The following SFRP1 variants were observed in gnomAD, a reference collection of about 807,000 sequenced individuals.
SFRP1 encodes the protein secreted frizzled-related protein 1.
In SFRP1, 9 loss-of-function variants were observed where a neutral mutation model predicts 25.9. The ratio of observed to expected loss-of-function variants is 0.35; its 90% CI spans 0.21 to 0.61. The LOEUF (loss-of-function observed/expected upper bound fraction) is 0.61. SFRP1 is among the 20% of genes least tolerant of loss of function. The pLI, the probability that SFRP1 is intolerant of heterozygous loss-of-function variation, is 0.78. For synonymous variants in SFRP1, 178 were observed against 174.0 expected (o/e 1.02, Z -0.18); for missense variants, 346 against 418.2 (o/e 0.83, Z 1.51).
chr8:41,281,817 A>G (rs1271312558), intron 2 of SFRP1, among the ~76,000 whole-genome samples: 1 of 152,224 alleles, frequency 6.6e-6, no homozygotes. Flanking sequence ...CTCAAGATCT[A>G]GGATCCCCTC....
chr8:41,308,685 T>G lies in SFRP1; in HGVS notation c.475A>C (p.Lys159Gln). The change falls in exon 1 of 3, where the codon AAG (lysine) becomes CAG (glutamine). Residue 159 changes from lysine (K) to glutamine (Q), a missense_variant. Lys to Gln is a moderately conservative substitution (Grantham distance 53). Transcript: ENST00000220772. The part of the protein sequence containing the change: ...FYWPEMLKCD[K>Q]FPEGDVCIAM... ...ATGCAGACGTCCCCCTCGGGGAACTTGTCACACTTAAGCATCTCGGGCCAG... is the reference window on the plus strand; with the variant it reads ...ATGCAGACGTCCCCCTCGGGGAACTGGTCACACTTAAGCATCTCGGGCCAG... 1.2e-6 allele frequency: 2 copies of G among 1,611,376 alleles called. No individual in the cohort carries two copies. Among genetic ancestry groups the G allele is most frequent in the African/African-American group, 1.3e-5 (1 of 74,952 alleles).
At chr8:41,297,542 G>T (rs1035970166) in intron 2 of SFRP1, among the ~76,000 whole-genome samples, 1 of 152,006 alleles carries the variant, frequency 6.6e-6, no homozygotes, top group African/African-American at 2.4e-5. Flanking sequence ...CCAATAAGAA[G>T]ACATAATAAT....
rs1338050643 is a variant in SFRP1, at chr8:41,263,425, G to C, written c.*1742C>G. The C allele has an allele frequency of 6.6e-6, 1 of 152,200 alleles. No homozygotes were observed. Among genetic ancestry groups the C allele is most frequent in the Admixed American group, 6.5e-5 (1 of 15,290 alleles). 9.4% of individuals were successfully genotyped at this position (152,200 alleles called of 1,614,324 possible). On this transcript the variant is annotated 3_prime_UTR_variant, in exon 3 of 3. Coordinates refer to ENST00000220772, the MANE Select transcript of SFRP1 (RefSeq NM_003012.5). ...AATTTATCAGGATAACTCTCCGGTAGGTAACTAGGCGGGCATGCTGATTTT... is the reference window on the plus strand; with the variant it reads ...AATTTATCAGGATAACTCTCCGGTACGTAACTAGGCGGGCATGCTGATTTT...
intron 2 of SFRP1, among the ~76,000 whole-genome samples, chr8:41,297,545 A>G (rs1315443636): frequency 6.6e-6 from 1 of 152,164 alleles, no homozygotes; most frequent in African/African-American, 2.4e-5. Context: ...ATAAGAAGAC[A>G]TAATAATTAT....
At chr8:41,274,148 G>A (rs948014041) in intron 2 of SFRP1, among the ~76,000 whole-genome samples, 9 of 152,152 alleles carry the variant, frequency 5.9e-5, no homozygotes, top group Admixed American at 1.3e-4. Context: ...ACAGCCTATC[G>A]TGAGACTTCT....
At chr8:41,296,714 TG>T (rs1309209459) in intron 2 of SFRP1, among the ~76,000 whole-genome samples, 3 of 152,048 alleles carry the variant, frequency 2.0e-5, no homozygotes, top group Non-Finnish European at 4.4e-5. Flanking sequence ...GAGAACAAAG[TG>T]AAGTAAAACA....
At chr8:41,304,729 G>A (rs1241305664) in intron 1 of SFRP1, among the ~76,000 whole-genome samples, 5 of 151,996 alleles carry the variant, frequency 3.3e-5, no homozygotes, top group Non-Finnish European at 1.5e-5. Context: ...GAGAAGAGGG[G>A]ACCTGCAGAG....
At chr8:41,271,670 A>C (rs1018194669) in intron 2 of SFRP1, 1 of 152,146 alleles carries the variant, frequency 6.6e-6, no homozygotes, top group African/African-American at 2.4e-5. Context: ...AAAACTTTAA[A>C]AAATGATAAT....
intron 2 of SFRP1, among the ~76,000 whole-genome samples, chr8:41,286,079 G>A (rs985451306): frequency 6.6e-6 from 1 of 151,844 alleles, no homozygotes; most frequent in East Asian, 2.0e-4. Context: ...GCCCAGACCC[G>A]ATTCCTGGCA....
Position 41,265,123 on chromosome 8 carries a change from C to CCCCCCCCCCCCG in SFRP1, c.*43_*44insCGGGGGGGGGGG. On this transcript the variant is annotated 3_prime_UTR_variant, in exon 3 of 3. Coordinates refer to ENST00000220772, the MANE Select transcript of SFRP1 (RefSeq NM_003012.5). ...TTCCCGGGGCACTGTCCCCCCCGCT[C>CCCCCCCCCCCCG]CCACCCCACCCGAGGCTCCCTCCCC... The CCCCCCCCCCCCG allele has an allele frequency of 2.8e-6, 1 of 354,602 alleles. No individual in the cohort carries two copies. Among genetic ancestry groups the CCCCCCCCCCCCG allele is most frequent in the Non-Finnish European group, 5.6e-6 (1 of 179,004 alleles). 22.0% of individuals were successfully genotyped at this position (354,602 alleles called of 1,614,324 possible). A position where few individuals can be genotyped will look rare whatever the true frequency, so the allele number is the denominator to read the frequency against.
chr8:41,305,135 C>G (rs1279215509), intron 1 of SFRP1, among the ~76,000 whole-genome samples: 3 of 152,202 alleles, frequency 2.0e-5, no homozygotes, highest in African/African-American at 7.2e-5. Flanking sequence ...GGAGAGTGAA[C>G]TGTGCTTTTG....
At chr8:41,296,852 C>G (rs918301076) in intron 2 of SFRP1, among the ~76,000 whole-genome samples, 7 of 152,180 alleles carry the variant, frequency 4.6e-5, no homozygotes, top group Admixed American at 3.3e-4. Context: ...GAACACCAGG[C>G]AGTCACAGCT....
Position 41,308,635 on chromosome 8 carries a change from G to T in SFRP1, c.525C>A (p.Thr175=). 3 of 1,603,450 alleles carry T rather than the reference G, an allele frequency of 1.9e-6. No homozygotes were observed. The highest frequency in any genetic ancestry group is 2.6e-6 in the Non-Finnish European group (3 of 1,173,144). ...CCTTACCTTGGGGCTTGGAGGCTTCGGTGGCATTGGGCGGCGTCATGGCGA... is the reference window on the plus strand; with the variant it reads ...CCTTACCTTGGGGCTTGGAGGCTTCTGTGGCATTGGGCGGCGTCATGGCGA... The part of the protein sequence containing the change: ...VCIAMTPPNA[T]EASKPQGTTV... The change falls in exon 1 of 3, where the codon ACC becomes ACA. Residue 175 remains threonine, a synonymous_variant. Transcript: ENST00000220772.
At chr8:41,273,972 C>G (rs1433987377) in intron 2 of SFRP1, among the ~76,000 whole-genome samples, 1 of 152,154 alleles carries the variant, frequency 6.6e-6, no homozygotes, top group Non-Finnish European at 1.5e-5. Context: ...CCCTCCCTTC[C>G]CAATAATGGC....
At chr8:41,284,009 G>A (rs1204244349) in intron 2 of SFRP1, among the ~76,000 whole-genome samples, 1 of 152,114 alleles carries the variant, frequency 6.6e-6, no homozygotes, top group Non-Finnish European at 1.5e-5. Flanking sequence ...ACTCTCTGGG[G>A]GATTGCCTAC....
chr8:41,287,766 C>T (rs1056494388), intron 2 of SFRP1, among the ~76,000 whole-genome samples: 1 of 152,194 alleles, frequency 6.6e-6, no homozygotes, highest in Non-Finnish European at 1.5e-5. Context: ...CTATAAAATG[C>T]ATTCACCTGT....
chr8:41,309,155 C>T lies in SFRP1; in HGVS notation c.5G>A (p.Gly2Asp), dbSNP rs62636770. M[G>D]IGRSEGGRRG... ...GCGGCCCCCCTCGCTGCGCCCGATG[C>T]CCATGCCGGCTCTGCGCCCTGTTCT... Residue 2 changes from glycine to aspartate, a missense_variant, in exon 1 of 3, where the codon GGC (glycine) becomes GAC (aspartate). Physicochemically the swap from Gly to Asp is moderately conservative, Grantham distance 94. Transcript: ENST00000220772. The T allele has an allele frequency of 7.2e-7, 1 of 1,397,406 alleles. No individual in the cohort carries two copies. The highest frequency in any genetic ancestry group is 9.2e-7 in the Non-Finnish European group (1 of 1,090,010). The allele number at this position is 1,397,406 out of a possible 1,614,324, so 86.6% of individuals were successfully genotyped here. A position where few individuals can be genotyped will look rare whatever the true frequency, so the allele number is the denominator to read the frequency against.
chr8:41,295,094 G>A (rs940570254), intron 2 of SFRP1, among the ~76,000 whole-genome samples: 2 of 152,210 alleles, frequency 1.3e-5, no homozygotes, highest in African/African-American at 4.8e-5. Context: ...CCAGTGCAGT[G>A]GCTCACGCCT....
intron 2 of SFRP1, among the ~76,000 whole-genome samples, chr8:41,300,608 T>C (rs1053612157): frequency 2.0e-5 from 3 of 152,188 alleles, no homozygotes; most frequent in African/African-American, 7.2e-5. Flanking sequence ...AATCAGATCC[T>C]CATATCCCTG....
Sources: allele counts gnomAD v4.1 joint callset (sites outside exome capture counted in the v4.1 genomes callset), GRCh38; gene constraint gnomAD v4.1.1; transcripts MANE v1.5; gene names NCBI Gene and HGNC (gene_info 2026-07-23, HGNC 2026-07-21).